GPC3: variants seen among roughly 807,000 people sequenced by gnomAD.
The protein encoded by GPC3 is glypican 3.
A neutral mutation model predicts 34.4 loss-of-function variants in GPC3; 3 were observed. The ratio of observed to expected loss-of-function variants is 0.09; its 90% CI spans 0.04 to 0.23. The LOEUF is 0.23. Among genes scored for constraint, GPC3 ranks in the 10% least tolerant of loss-of-function variants. The pLI, the probability that GPC3 is intolerant of heterozygous loss-of-function variation, is 1.00. For missense variants in GPC3, 351 were observed against 445.6 expected (o/e 0.79, Z 1.91); for synonymous variants, 177 against 174.0 (o/e 1.02, Z -0.13).
At chrX:133,615,510 A>G (rs1285645159) in intron 6 of GPC3, among the ~76,000 whole-genome samples, 2 of 110,647 alleles carry the variant, frequency 1.8e-5, no homozygotes, top group Non-Finnish European at 3.8e-5. Context: ...CAGGAAAGAA[A>G]ACCAAACACC....
chrX:133,747,673 T>C (rs1186892309), intron 3 of GPC3, among the ~76,000 whole-genome samples: 1 of 111,763 alleles, frequency 8.9e-6, no homozygotes, highest in Non-Finnish European at 1.9e-5. Flanking sequence ...TGCCACCTAC[T>C]AGCCAAGTGA....
At chrX:133,612,617 G>A (rs1016689912) in intron 6 of GPC3, among the ~76,000 whole-genome samples, 2 of 110,515 alleles carry the variant, frequency 1.8e-5, no homozygotes, top group Admixed American at 1.9e-4. Context: ...ATCTAACTGG[G>A]GAACCTCTTC....
chrX:133,824,400 A>G (rs2075736073), intron 2 of GPC3, among the ~76,000 whole-genome samples: 1 of 111,691 alleles, frequency 9.0e-6, no homozygotes, highest in South Asian at 3.8e-4. Context: ...TCATAGAAGC[A>G]GAGAGTAGAG....
rs141426235 is a variant in GPC3 at position 133,616,530 on chromosome X, C to T, written c.1414-19931G>A. Among the ~76,000 whole-genome samples, 781 of 110,338 alleles carry T rather than the reference C, an allele frequency of 7.1e-3. 5 individuals carry two copies. Among genetic ancestry groups the T allele is most frequent in the Middle Eastern group, 0.014 (3 of 212 alleles). ...AAATGGACAAGATAATCCTAAAATT[C>T]ATATGAAAGTACTGAGAATAGCCAA... On this transcript the variant is annotated intron_variant, in intron 6 of 7. Coordinates refer to ENST00000370818, the MANE Select transcript of GPC3 (RefSeq NM_004484.4).
intron 1 of GPC3, among the ~76,000 whole-genome samples, chrX:133,962,655 G>A (rs891131020): frequency 1.8e-5 from 2 of 111,878 alleles, no homozygotes; most frequent in Non-Finnish European, 3.8e-5. Flanking sequence ...CTAAACTGAG[G>A]TAATTTTCCT....
chrX:133,789,051 G>A (rs2072136347), intron 2 of GPC3, among the ~76,000 whole-genome samples: 1 of 111,196 alleles, frequency 9.0e-6, no homozygotes, highest in Admixed American at 9.6e-5. Flanking sequence ...CTGTAATTTG[G>A]TCCTCAGTTT....
intron 2 of GPC3, among the ~76,000 whole-genome samples, chrX:133,793,712 T>G (rs1001081395): frequency 1.8e-5 from 2 of 112,027 alleles, no homozygotes; most frequent in Admixed American, 9.5e-5. Flanking sequence ...ATCACTGCCT[T>G]GGACCTCTGA....
intron 2 of GPC3, among the ~76,000 whole-genome samples, chrX:133,919,527 C>T (rs771162113): frequency 1.8e-5 from 2 of 111,560 alleles, no homozygotes; most frequent in African/African-American, 6.5e-5. Context: ...GAAGAGAGGG[C>T]TAAGTCTGGG....
At chrX:133,573,418 G>A (rs1478568792) in intron 7 of GPC3, among the ~76,000 whole-genome samples, 1 of 111,553 alleles carries the variant, frequency 9.0e-6, no homozygotes, top group African/African-American at 3.3e-5. Context: ...GTGTAAGCAG[G>A]CCAGCAAAAC....
At chrX:133,588,386 A>C (rs751420876) in intron 7 of GPC3, among the ~76,000 whole-genome samples, 82 of 111,224 alleles carry the variant, frequency 7.4e-4, no homozygotes, top group Non-Finnish European at 2.8e-4. Context: ...AAAAAAACAA[A>C]AAACAAACAA....
chrX:133,595,476 T>C (rs2069902589), intron 7 of GPC3, among the ~76,000 whole-genome samples: 1 of 111,768 alleles, frequency 8.9e-6, no homozygotes, highest in African/African-American at 3.3e-5. Flanking sequence ...TTGTTTTGCC[T>C]CCTTGACCCC....
chrX:133,786,798 C>T (rs1212567383), intron 2 of GPC3, among the ~76,000 whole-genome samples: 1 of 111,630 alleles, frequency 9.0e-6, no homozygotes, highest in Non-Finnish European at 1.9e-5. Flanking sequence ...TCTACTCACC[C>T]TTCAATGTGT....
chrX:133,612,791 T>A (rs1278147204), intron 6 of GPC3, among the ~76,000 whole-genome samples: 1 of 112,440 alleles, frequency 8.9e-6, no homozygotes, highest in Admixed American at 9.4e-5. Flanking sequence ...CACAATAGAC[T>A]GAGAATAAAT....
At chrX:133,684,595 C>A (rs1398369316) in intron 5 of GPC3, among the ~76,000 whole-genome samples, 1 of 111,570 alleles carries the variant, frequency 9.0e-6, no homozygotes, top group Non-Finnish European at 1.9e-5. Flanking sequence ...TCTGTACCCT[C>A]TTCCTCTTGG....
At chrX:133,576,092 G>T (rs774153482) in intron 7 of GPC3, among the ~76,000 whole-genome samples, 1 of 111,776 alleles carries the variant, frequency 8.9e-6, no homozygotes, top group African/African-American at 3.3e-5. Flanking sequence ...AAAGTCAGAG[G>T]CTATTTACTA....
intron 2 of GPC3, among the ~76,000 whole-genome samples, chrX:133,841,866 G>A (rs2075825943): frequency 8.9e-6 from 1 of 111,979 alleles, no homozygotes; most frequent in African/African-American, 3.3e-5. Flanking sequence ...AGATGGGCCT[G>A]GCCTCCCAGT....
intron 2 of GPC3, among the ~76,000 whole-genome samples, chrX:133,857,765 T>C (rs1038773689): frequency 8.9e-6 from 1 of 112,207 alleles, no homozygotes; most frequent in Non-Finnish European, 1.9e-5. Context: ...GACAATATAA[T>C]TGGAATGACA....
chrX:133,620,316 C>T (rs1417467159), intron 6 of GPC3, among the ~76,000 whole-genome samples: 1 of 110,120 alleles, frequency 9.1e-6, no homozygotes, highest in African/African-American at 3.3e-5. Context: ...TAAGAAGGAA[C>T]CTTTATTTTA....
At chrX:133,835,675 C>T (rs1414645788) in intron 2 of GPC3, among the ~76,000 whole-genome samples, 1 of 111,931 alleles carries the variant, frequency 8.9e-6, no homozygotes, top group East Asian at 2.8e-4. Flanking sequence ...AATTACAGAA[C>T]AATATGACTC....
Sources: allele counts gnomAD v4.1 joint callset (sites outside exome capture counted in the v4.1 genomes callset), GRCh38; gene constraint gnomAD v4.1.1; transcripts MANE v1.5; gene names NCBI Gene and HGNC (gene_info 2026-07-23, HGNC 2026-07-21).